The following ECE1 variants were observed in gnomAD, a reference collection of about 807,000 sequenced individuals.
ECE1 encodes endothelin converting enzyme 1, also known as endothelin-converting enzyme 1.
A neutral mutation model predicts 98.6 loss-of-function variants in ECE1; 35 were observed. The ratio of observed to expected loss-of-function variants is 0.35; its 90% CI spans 0.27 to 0.47. The LOEUF (loss-of-function observed/expected upper bound fraction) is 0.47. ECE1 is among the 20% of genes least tolerant of loss of function. The pLI, the probability that ECE1 is intolerant of heterozygous loss-of-function variation, is 1.00. For missense variants in ECE1, 814 were observed against 1,025.3 expected (o/e 0.79, Z 2.81); for synonymous variants, 394 against 407.1 (o/e 0.97, Z 0.39).
rs1162930156 is a variant in ECE1 at position 21,258,744 on chromosome 1, G to A, written c.711C>T (p.Phe237=). ...VTAHYRTSPF[F]SVYVSADSKN... is the part of the protein sequence containing the mutation. The stretch of plus-strand genomic sequence containing the variant: ...TGGAATCGGCACTGACATAGACAGA[G>A]AAGAAGGGTGAGGTGCGGTAGTGGG... The change falls in exon 6 of 19, where the codon TTC becomes TTT. Residue 237 remains phenylalanine, a synonymous_variant. Transcript: ENST00000374893. This position sits in a 1 kb window ranked among gnomAD's most constrained non-coding sequence, Gnocchi z 4.2. 20 of 1,614,118 alleles carry A rather than the reference G, an allele frequency of 1.2e-5. No homozygotes were observed. The highest frequency in any genetic ancestry group is 1.6e-5 in the Non-Finnish European group (19 of 1,180,040).
chr1:21,330,225 A>ATTTTT (rs1639171061), intron 1 of ECE1, among the ~76,000 whole-genome samples: 1 of 69,144 alleles, frequency 1.4e-5, no homozygotes, highest in Non-Finnish European at 3.0e-5. Context: ...CTCGCCAAAT[A>ATTTTT]CTTTTTTTTT....
At chr1:21,275,353 G>A (rs535623911) in intron 3 of ECE1, among the ~76,000 whole-genome samples, 1 of 152,326 alleles carries the variant, frequency 6.6e-6, no homozygotes, top group East Asian at 1.9e-4. Flanking sequence ...CCAGCACTCT[G>A]GGAGGCCGAG....
intron 1 of ECE1, among the ~76,000 whole-genome samples, chr1:21,318,645 T>G (rs1638890873): frequency 6.6e-6 from 1 of 152,010 alleles, no homozygotes; most frequent in Non-Finnish European, 1.5e-5. Context: ...GAGGCCCACT[T>G]CACAAGCCTA....
Position 21,228,066 on chromosome 1 carries a change from G to A in ECE1, c.1671-25C>T, listed in dbSNP as rs568092726. 23 of 1,541,874 alleles carry A rather than the reference G, an allele frequency of 1.5e-5. No individual in the cohort carries two copies. In the African/African-American group the frequency reaches 3.0e-4, roughly 20 times the overall value. On this transcript the variant is annotated intron_variant, in intron 14 of 18. Transcript: ENST00000374893. ...CCTGCAAGCAACACACATGCAGGAG[G>A]TCTCAGCACAGGGCGGGAGGCAGGT...
intron 1 of ECE1, among the ~76,000 whole-genome samples, chr1:21,332,262 C>T (rs1639213538): frequency 6.6e-6 from 1 of 152,094 alleles, no homozygotes; most frequent in African/African-American, 2.4e-5. Context: ...GCATCCCTTC[C>T]AGTCCCATCC....
chr1:21,247,487 C>A (rs1025732016), intron 8 of ECE1, 124 bp from the exon 9 acceptor site: 1 of 1,428,586 alleles, frequency 7.0e-7, no homozygotes, highest in Non-Finnish European at 9.8e-7. Context: ...GACAGCGCAC[C>A]GGGCAGAGAG....
upstream of ECE1, among the ~76,000 whole-genome samples, chr1:21,292,381 G>A (rs1292593464): frequency 6.7e-6 from 1 of 150,226 alleles, no homozygotes; most frequent in Non-Finnish European, 1.5e-5. Flanking sequence ...AGCTGCTGTT[G>A]TCTCTATCTG....
At chr1:21,274,477 T>C (rs975585937) in intron 3 of ECE1, among the ~76,000 whole-genome samples, 1 of 152,174 alleles carries the variant, frequency 6.6e-6, no homozygotes, top group African/African-American at 2.4e-5. Context: ...ATCTAAAAGT[T>C]AGGAAGAAAG....
At position 21,290,019 on chromosome 1, in the gene ECE1, A is replaced by T. The variant is rs1313883650; in HGVS notation, c.138+51T>A. On this transcript the variant is annotated intron_variant, in intron 2 of 18. Coordinates refer to ENST00000374893, the MANE Select transcript of ECE1 (RefSeq NM_001397.3). The surrounding 1 kb of genome is among the most constrained non-coding windows in gnomAD (Gnocchi z 7.3). ...GGGGGGCGCGGCAGCGGCAGCGCGC[A>T]TGCCCGGGCCCGGGGCGCCTGGACC... is the stretch of plus-strand genomic sequence containing the variant. 9.5e-7 allele frequency: 1 copy of T among 1,053,140 alleles called. No homozygotes were observed. The highest frequency in any genetic ancestry group is 2.5e-5 in the South Asian group (1 of 39,734). The allele number at this position is 1,053,140 out of a possible 1,614,324, so 65.2% of individuals were successfully genotyped here.
At chr1:21,333,106 A>G (rs1639238081) in intron 1 of ECE1, among the ~76,000 whole-genome samples, 2 of 152,132 alleles carry the variant, frequency 1.3e-5, no homozygotes, top group Admixed American at 6.5e-5. Context: ...CTTGGTGACA[A>G]TTCAATGGCA....
chr1:21,248,449 T>C (rs530519642), intron 8 of ECE1, among the ~76,000 whole-genome samples: 1 of 150,732 alleles, frequency 6.6e-6, no homozygotes, highest in Non-Finnish European at 1.5e-5. Context: ...GCTGGGATTA[T>C]AGGCATGAGC....
intron 2 of ECE1, among the ~76,000 whole-genome samples, chr1:21,286,280 T>C (rs1471960218): frequency 6.6e-6 from 1 of 152,180 alleles, no homozygotes; most frequent in East Asian, 1.9e-4. Context: ...AGCAAGAGGC[T>C]TCAGAGCAAA....
At chr1:21,315,497 T>C (rs1440151370) in intron 1 of ECE1, among the ~76,000 whole-genome samples, 2 of 152,196 alleles carry the variant, frequency 1.3e-5, no homozygotes, top group Middle Eastern at 3.4e-3. Flanking sequence ...CAACTAGGCA[T>C]TAAAAGCTGC....
At chr1:21,312,212 AG>A (rs1463830842) in intron 1 of ECE1, among the ~76,000 whole-genome samples, 1 of 148,996 alleles carries the variant, frequency 6.7e-6, no homozygotes, top group East Asian at 2.0e-4. Context: ...CTAAGGCGGG[AG>A]GATCGCTTGA....
chr1:21,238,149 C>T lies in ECE1; in HGVS notation c.1374G>A (p.Glu458=), dbSNP rs752670033. The change falls in exon 11 of 19, where the codon GAG becomes GAA. Residue 458 remains glutamate, a synonymous_variant. Coordinates refer to ENST00000374893, the MANE Select transcript of ECE1 (RefSeq NM_001397.3). ...AGGCACTTACTATGCTCTTGCTGTC[C>T]TCGGCGAAGGTTGCTTTGACAAACA... ...GPMFVKATFA[E]DSKSIATEII... The T allele has an allele frequency of 6.2e-7, 1 of 1,614,232 alleles. No homozygotes were observed. The highest frequency in any genetic ancestry group is 8.5e-7 in the Non-Finnish European group (1 of 1,180,032).
At chr1:21,244,635 G>T (rs1365382990) in intron 10 of ECE1, among the ~76,000 whole-genome samples, 1 of 152,126 alleles carries the variant, frequency 6.6e-6, no homozygotes, top group Non-Finnish European at 1.5e-5. Context: ...GAACAGTCGC[G>T]TGGTGCTTCT....
intron 1 of ECE1, among the ~76,000 whole-genome samples, chr1:21,336,478 T>C (rs1041495727): frequency 3.3e-5 from 5 of 151,592 alleles, no homozygotes; most frequent in African/African-American, 9.7e-5. Flanking sequence ...GCAGATCACC[T>C]GAGGTCAGGA....
At chr1:21,264,440 G>A (rs1316714423) in intron 4 of ECE1, among the ~76,000 whole-genome samples, 2 of 151,396 alleles carry the variant, frequency 1.3e-5, no homozygotes, top group African/African-American at 4.9e-5. Flanking sequence ...TCAGCCTCCC[G>A]AGTAGCTGGG....
At chr1:21,293,125 G>A (rs527613817), upstream of ECE1, among the ~76,000 whole-genome samples, 56 of 152,322 alleles carry the variant, frequency 3.7e-4, no homozygotes, top group Non-Finnish European at 6.3e-4. Context: ...TCTCTTTTAA[G>A]CTTCTCACCC....
Sources: allele counts gnomAD v4.1 joint callset (sites outside exome capture counted in the v4.1 genomes callset), GRCh38; gene constraint gnomAD v4.1.1; non-coding constraint Gnocchi (gnomAD v3.1); transcripts MANE v1.5; gene names NCBI Gene and HGNC (gene_info 2026-07-23, HGNC 2026-07-21).